The following ZCCHC7 variants were observed in gnomAD, a reference collection of about 807,000 sequenced individuals.
ZCCHC7 encodes the protein zinc finger CCHC domain-containing protein 7.
In ZCCHC7, 35 loss-of-function variants were observed where a neutral mutation model predicts 52.0. That is an observed-to-expected ratio of 0.67 (90% CI 0.51 to 0.89). ZCCHC7 has a LOEUF of 0.89. Among genes scored for constraint, ZCCHC7 ranks in the 40% least tolerant of loss-of-function variants. The pLI is 0.00. For missense variants in ZCCHC7, 574 were observed against 649.1 expected, an observed-to-expected ratio of 0.88 and a Z score of 1.26; for synonymous variants, 217 against 221.5, an observed-to-expected ratio of 0.98 and a Z score of 0.18.
At chr9:37,336,382 A>T (rs2118366716) in intron 6 of ZCCHC7, among the ~76,000 whole-genome samples, 1 of 152,256 alleles carries the variant, frequency 6.6e-6, no homozygotes, top group East Asian at 1.9e-4. Context: ...ACATATTGTA[A>T]AAGCAAAAGA....
Position 37,293,995 on chromosome 9 carries a change from A to G in ZCCHC7, c.611-8193A>G, listed in dbSNP as rs1828662262. Among the ~76,000 whole-genome samples the G allele has an allele frequency of 2.0e-5, 3 of 152,332 alleles. No homozygotes were observed. The South Asian group carries it at 6.2e-4, about 32-fold the overall frequency. ...GGTAAATTTAATATGATTTAAAATA[A>G]GATGAACATTTTGATGCTTTACTTG... is the stretch of plus-strand genomic sequence containing the variant. On this transcript the variant is annotated intron_variant, in intron 2 of 8. Coordinates refer to ENST00000336755, the MANE Select transcript of ZCCHC7 (RefSeq NM_032226.3).
chr9:37,237,029 G>T (rs1404413787), intron 2 of ZCCHC7, among the ~76,000 whole-genome samples: 1 of 152,012 alleles, frequency 6.6e-6, no homozygotes, highest in Admixed American at 6.5e-5. Flanking sequence ...TTCCTTCTAC[G>T]CTAGCTTGTT....
chr9:37,295,175 C>T (rs1490907408), intron 2 of ZCCHC7, among the ~76,000 whole-genome samples: 2 of 152,092 alleles, frequency 1.3e-5, no homozygotes, highest in Non-Finnish European at 2.9e-5. Flanking sequence ...GGCCATATCC[C>T]AATTCCAAGT....
In ZCCHC7 at chr9:37,357,918, CA is replaced by C. The variant is rs1564278679; in HGVS notation, c.*655del. 6.6e-6 allele frequency: 1 copy of C among 152,050 alleles called. No homozygotes were observed. Among genetic ancestry groups the C allele is most frequent in the Non-Finnish European group, 1.5e-5 (1 of 68,010 alleles). 9.4% of individuals were successfully genotyped at this position (152,050 alleles called of 1,614,324 possible). Reference sequence around the variant, plus strand: ...TTTCCTAAACAAGTAAAAGAGACATCAAAAATTTTAACATAATCACAATGAA... The same window carrying C: ...TTTCCTAAACAAGTAAAAGAGACATCAAAATTTTAACATAATCACAATGAA... On this transcript the variant is annotated 3_prime_UTR_variant, in exon 9 of 9. Coordinates refer to ENST00000336755, the MANE Select transcript of ZCCHC7 (RefSeq NM_032226.3).
intron 2 of ZCCHC7, among the ~76,000 whole-genome samples, chr9:37,198,334 A>G (rs996860301): frequency 1.3e-5 from 2 of 152,234 alleles, no homozygotes; most frequent in African/African-American, 4.8e-5. Context: ...TAATCTTTGT[A>G]AACTACAGAT....
chr9:37,156,671 G>A (rs1351725799), intron 2 of ZCCHC7, among the ~76,000 whole-genome samples: 2 of 152,176 alleles, frequency 1.3e-5, no homozygotes, highest in Non-Finnish European at 2.9e-5. Context: ...TATGTTATAA[G>A]CCAAACTCTG....
chr9:37,173,565 TC>T (rs1158671962), intron 2 of ZCCHC7, among the ~76,000 whole-genome samples: 6 of 152,210 alleles, frequency 3.9e-5, no homozygotes, highest in African/African-American at 1.4e-4. Flanking sequence ...CAGAAGCAAA[TC>T]TATTGTATAG....
chr9:37,324,328 C>T (rs755814480), intron 5 of ZCCHC7, among the ~76,000 whole-genome samples: 70 of 152,068 alleles, frequency 4.6e-4, no homozygotes, highest in Non-Finnish European at 7.8e-4. Context: ...CTGGGCTGGC[C>T]GCGCTCTCAT....
chr9:37,150,973 T>TG (rs200278128), intron 2 of ZCCHC7, among the ~76,000 whole-genome samples: 7,605 of 150,106 alleles, frequency 0.051, 645 homozygotes, highest in African/African-American at 0.17. Flanking sequence ...TTTGTTTTTT[T>TG]TTTTTTTTTG....
intron 2 of ZCCHC7, among the ~76,000 whole-genome samples, chr9:37,291,664 G>GT (rs1376979444): frequency 6.6e-6 from 1 of 151,952 alleles, no homozygotes; most frequent in African/African-American, 2.4e-5. Flanking sequence ...ATGTTTTACA[G>GT]TTTTTTTGTT....
intron 2 of ZCCHC7, among the ~76,000 whole-genome samples, chr9:37,231,472 TA>T (rs1825402664): frequency 6.6e-6 from 1 of 152,244 alleles, no homozygotes; most frequent in African/African-American, 2.4e-5. Flanking sequence ...CTTTGTGTTT[TA>T]TATTTGTTCC....
intron 2 of ZCCHC7, among the ~76,000 whole-genome samples, chr9:37,296,417 T>A (rs1476515249): frequency 1.3e-5 from 2 of 152,198 alleles, no homozygotes; most frequent in Non-Finnish European, 2.9e-5. Flanking sequence ...CTACTTTTCC[T>A]TTTTTCTTTT....
Position 37,206,300 on chromosome 9 carries a change from C to A in ZCCHC7, c.610+79358C>A, listed in dbSNP as rs567401936. Among the ~76,000 whole-genome samples, 233 of 150,864 alleles carry A rather than the reference C, an allele frequency of 1.5e-3. 1 individual carries two copies. Among genetic ancestry groups the A allele is most frequent in the African/African-American group, 5.5e-3 (224 of 41,012 alleles). On this transcript the variant is annotated intron_variant, in intron 2 of 8. Coordinates refer to ENST00000336755, the MANE Select transcript of ZCCHC7 (RefSeq NM_032226.3). ...GCTTTCTCCCTCCCTTCCCCCTTCC[C>A]CCTCTCCCTCTCCCTCCTCCTCCCC...
chr9:37,266,570 C>T (rs993322369), intron 2 of ZCCHC7, among the ~76,000 whole-genome samples: 2 of 152,054 alleles, frequency 1.3e-5, no homozygotes, highest in African/African-American at 4.8e-5. Flanking sequence ...TGGCACTAGA[C>T]TCAGTTTTAA....
chr9:37,126,964 T>A (rs1195559563), intron 2 of ZCCHC7, 22 bp downstream of exon 2: 3 of 1,606,600 alleles, frequency 1.9e-6, no homozygotes, highest in Non-Finnish European at 2.5e-6. Flanking sequence ...ATTGGCCATT[T>A]TGAAAGTAGT....
At chr9:37,257,359 C>T (rs1223732370) in intron 2 of ZCCHC7, among the ~76,000 whole-genome samples, 1 of 152,216 alleles carries the variant, frequency 6.6e-6, no homozygotes, top group East Asian at 1.9e-4. Flanking sequence ...TCCTTCAAAA[C>T]TACCTTCAGT....
intron 2 of ZCCHC7, among the ~76,000 whole-genome samples, chr9:37,257,753 T>C (rs1312178916): frequency 6.6e-6 from 1 of 152,148 alleles, no homozygotes; most frequent in African/African-American, 2.4e-5. Flanking sequence ...TGAAAACTGC[T>C]AAGCTCTCTC....
At chr9:37,210,687 G>A (rs1370256090) in intron 2 of ZCCHC7, among the ~76,000 whole-genome samples, 3 of 151,558 alleles carry the variant, frequency 2.0e-5, no homozygotes, top group Non-Finnish European at 3.0e-5. Flanking sequence ...TTATTTCTTA[G>A]TCCCCTCACA....
intron 2 of ZCCHC7, among the ~76,000 whole-genome samples, chr9:37,264,104 T>G (rs930952683): frequency 2.0e-5 from 3 of 152,184 alleles, no homozygotes; most frequent in African/African-American, 7.2e-5. Context: ...TGTTTAAACC[T>G]TTCAAGACCT....
Sources: gnomAD v4.1 joint callset for allele counts (sites outside exome capture counted in the v4.1 genomes callset) on GRCh38, gnomAD v4.1.1 for gene constraint, MANE v1.5 for transcripts, NCBI Gene and HGNC (gene_info 2026-07-23, HGNC 2026-07-21) for gene names.